SPECC1: variants seen among roughly 807,000 people sequenced by gnomAD.
The protein encoded by SPECC1 is sperm antigen with calponin homology and coiled-coil domains 1.
A neutral mutation model predicts 104.1 loss-of-function variants in SPECC1; 62 were observed. The observed-to-expected ratio is 0.60, with a 90% CI of 0.49 to 0.74. The LOEUF is 0.74. Among genes scored for constraint, SPECC1 ranks in the 30% least tolerant of loss-of-function variants. The probability of loss-of-function intolerance (pLI) is 0.00; values close to 1 mark genes in which losing one functional copy is unlikely to be tolerated. For missense variants in SPECC1, 1,306 were observed against 1,310.5 expected, an observed-to-expected ratio of 1.00 and a Z score of 0.05; for synonymous variants, 513 against 501.6, an observed-to-expected ratio of 1.02 and a Z score of -0.30.
At chr17:20,131,408 A>C (rs1027448626) in intron 3 of SPECC1, among the ~76,000 whole-genome samples, 1 of 151,842 alleles carries the variant, frequency 6.6e-6, no homozygotes, top group Admixed American at 6.6e-5. Flanking sequence ...TGAACACCTG[A>C]CCTCAAGTGA....
At chr17:20,200,919 A>C (rs1230597496) in intron 3 of SPECC1, among the ~76,000 whole-genome samples, 1 of 152,006 alleles carries the variant, frequency 6.6e-6, no homozygotes, top group Non-Finnish European at 1.5e-5. Flanking sequence ...AAAAGAATAG[A>C]TATAACAAAA....
chr17:20,168,310 A>G (rs565169821), intron 3 of SPECC1, among the ~76,000 whole-genome samples: 2 of 152,322 alleles, frequency 1.3e-5, no homozygotes, highest in South Asian at 4.1e-4. Flanking sequence ...ATGCAAAAAT[A>G]TTATTATATA....
chr17:20,064,776 C>CA (rs1597638528), intron 1 of SPECC1, among the ~76,000 whole-genome samples: 1 of 152,286 alleles, frequency 6.6e-6, no homozygotes, highest in African/African-American at 2.4e-5. Flanking sequence ...ACAGGGAGGG[C>CA]ATGATGAACC....
At chr17:20,086,629 A>C (rs2047187800) in intron 1 of SPECC1, among the ~76,000 whole-genome samples, 1 of 152,010 alleles carries the variant, frequency 6.6e-6, no homozygotes, top group African/African-American at 2.4e-5. Flanking sequence ...CCTTGATTTT[A>C]TCTTCCTCTG....
At chr17:20,029,224 C>T (rs932832498) in intron 1 of SPECC1, among the ~76,000 whole-genome samples, 3 of 152,078 alleles carry the variant, frequency 2.0e-5, no homozygotes, top group Non-Finnish European at 4.4e-5. Flanking sequence ...ATAAGTTTTG[C>T]ACTTACTTGA....
chr17:20,042,758 T>C (rs1331324208), intron 1 of SPECC1, among the ~76,000 whole-genome samples: 2 of 152,084 alleles, frequency 1.3e-5, no homozygotes, highest in Non-Finnish European at 2.9e-5. Context: ...TGCCCCTTGG[T>C]GTTTTGAAGT....
At chr17:20,156,154 G>A (rs746567616) in intron 3 of SPECC1, 66 of 1,432,836 alleles carry the variant, frequency 4.6e-5, no homozygotes, top group Non-Finnish European at 5.7e-5. Flanking sequence ...GTGGACACCC[G>A]GTCCGAGGCC....
At chr17:20,044,052 C>G (rs910516370) in intron 1 of SPECC1, among the ~76,000 whole-genome samples, 3 of 152,040 alleles carry the variant, frequency 2.0e-5, no homozygotes, top group African/African-American at 7.3e-5. Context: ...TTAAATTGTG[C>G]TAAACAGACT....
At chr17:20,201,178 T>G (rs888332156) in intron 3 of SPECC1, among the ~76,000 whole-genome samples, 6 of 151,616 alleles carry the variant, frequency 4.0e-5, no homozygotes, top group Non-Finnish European at 5.9e-5. Flanking sequence ...AAAAAGAAAG[T>G]GGCTGGGCAC....
intron 12 of SPECC1, among the ~76,000 whole-genome samples, chr17:20,285,414 C>CTT (rs577368624): frequency 2.0e-5 from 3 of 148,032 alleles, no homozygotes; most frequent in Admixed American, 6.7e-5. Context: ...CTGTATCTTA[C>CTT]TTTTTTTTTT....
chr17:20,195,389 G>T (rs1020146790), intron 3 of SPECC1, among the ~76,000 whole-genome samples: 50 of 152,090 alleles, frequency 3.3e-4, no homozygotes, highest in African/African-American at 1.2e-3. Context: ...AATAATATTA[G>T]AATTATAGGA....
intron 9 of SPECC1, among the ~76,000 whole-genome samples, 183 bp downstream of exon 9, chr17:20,247,502 A>C (rs1173788308): frequency 6.6e-6 from 1 of 152,234 alleles, no homozygotes; most frequent in Non-Finnish European, 1.5e-5. Context: ...TGTAAGCTTC[A>C]TGAGGTCAGA....
intron 1 of SPECC1, among the ~76,000 whole-genome samples, chr17:20,091,722 C>T (rs560730116): frequency 2.0e-5 from 3 of 152,306 alleles, no homozygotes; most frequent in South Asian, 2.1e-4. Flanking sequence ...TGTGCACATT[C>T]TTATTTTGTT....
Position 20,264,074 on chromosome 17 carries a change from A to G in SPECC1, c.2940+3780A>G, listed in dbSNP as rs138881241. On this transcript the variant is annotated intron_variant, in intron 12 of 14. Transcript: ENST00000395527. ...ATATGTCTAGACCTGTTTGTCTGAG[A>G]CACCTCATAGTCTTGTTCTCTCAGA... is the stretch of plus-strand genomic sequence containing the variant. 4.3e-3 allele frequency among the ~76,000 whole-genome samples: 660 copies of G among 152,290 alleles called. 5 individuals carry two copies. The highest frequency in any genetic ancestry group is 0.015 in the African/African-American group (626 of 41,540).
intron 13 of SPECC1, among the ~76,000 whole-genome samples, chr17:20,304,993 AAACT>A (rs563199974): frequency 7.1e-4 from 108 of 152,208 alleles, no homozygotes; most frequent in African/African-American, 2.5e-3. Context: ...GGAAAAAAAC[AAACT>A]TTTGAAGAAA....
At chr17:20,153,393 G>A (rs542675583) in intron 3 of SPECC1, among the ~76,000 whole-genome samples, 38 of 152,296 alleles carry the variant, frequency 2.5e-4, no homozygotes, top group African/African-American at 9.1e-4. Flanking sequence ...GTAGAGGGGA[G>A]CCACAGGAAC....
intron 3 of SPECC1, among the ~76,000 whole-genome samples, chr17:20,197,034 T>TA (rs2036084941): frequency 6.6e-6 from 1 of 152,218 alleles, no homozygotes; most frequent in African/African-American, 2.4e-5. Flanking sequence ...ACATTACACA[T>TA]AATATGTATA....
chr17:20,084,896 A>C (rs547052552), intron 1 of SPECC1, among the ~76,000 whole-genome samples: 1 of 152,308 alleles, frequency 6.6e-6, no homozygotes, highest in African/African-American at 2.4e-5. Flanking sequence ...GGAGTCACAC[A>C]GGGAAACAGT....
chr17:20,012,221 C>G (rs2043967760), intron 1 of SPECC1, among the ~76,000 whole-genome samples: 1 of 152,076 alleles, frequency 6.6e-6, no homozygotes, highest in Non-Finnish European at 1.5e-5. Context: ...CGACTGTTCC[C>G]TGAACTCTTA....
Sources: gnomAD v4.1 joint callset for allele counts (sites outside exome capture counted in the v4.1 genomes callset) on GRCh38, gnomAD v4.1.1 for gene constraint, MANE v1.5 for transcripts, NCBI Gene and HGNC (gene_info 2026-07-23, HGNC 2026-07-21) for gene names.